The following DNAH7 variants were observed in gnomAD, a reference collection of about 807,000 sequenced individuals.
DNAH7 encodes the protein dynein axonemal heavy chain 7, also known as axonemal beta dynein heavy chain 7.
DNAH7 carries 397 observed loss-of-function variants against 444.6 expected under a neutral mutation model. The observed-to-expected ratio is 0.89, with a 90% CI of 0.82 to 0.97. The LOEUF is 0.97. Among genes scored for constraint, DNAH7 ranks in the 50% least tolerant of loss-of-function variants. The pLI, the probability that DNAH7 is intolerant of heterozygous loss-of-function variation, is 0.00. For missense variants in DNAH7, 4,902 were observed against 4,800.8 expected (o/e 1.02, Z -0.62); for synonymous variants, 1,636 against 1,624.4 (o/e 1.01, Z -0.17).
At chr2:195,761,142 T>G (rs556538092) in intron 61 of DNAH7, among the ~76,000 whole-genome samples, 115 of 146,952 alleles carry the variant, frequency 7.8e-4, no homozygotes, top group African/African-American at 2.7e-3. Flanking sequence ...ACAAAGAGAT[T>G]GAGATTTTTT....
chr2:196,047,622 T>C, intron 4 of DNAH7, 123 bp from the exon 5 acceptor site: 1 of 799,034 alleles, frequency 1.3e-6, no homozygotes. Context: ...CAAGTAATCC[T>C]AAGTATAATT....
intron 5 of DNAH7, among the ~76,000 whole-genome samples, chr2:196,030,877 G>A (rs1024352699): frequency 6.6e-6 from 1 of 152,242 alleles, no homozygotes; most frequent in African/African-American, 2.4e-5. Context: ...GGTGTTGAGT[G>A]TCTGCGGCTT....
At chr2:195,744,220 C>G (rs1476795165) in intron 63 of DNAH7, among the ~76,000 whole-genome samples, 1 of 152,264 alleles carries the variant, frequency 6.6e-6, no homozygotes, top group Non-Finnish European at 1.5e-5. Flanking sequence ...TATCCCACAC[C>G]TGGCTCGGAG....
chr2:196,040,341 T>C (rs1318018593), intron 5 of DNAH7, among the ~76,000 whole-genome samples: 1 of 151,738 alleles, frequency 6.6e-6, no homozygotes, highest in Admixed American at 6.6e-5. Flanking sequence ...CAAAACCAAA[T>C]CCAATAATAC....
rs770111654 is a variant in DNAH7, at chr2:195,857,737, C to T, written c.8068-14G>A. 1.7e-5 allele frequency: 27 copies of T among 1,548,058 alleles called. No homozygotes were observed. Among genetic ancestry groups the T allele is most frequent in the African/African-American group, 6.9e-5 (5 of 72,024 alleles). ...CACTGTAATATCCTTGAAATAACAA[C>T]GTTAATTATTTTAAAAGACATGTTT... is the stretch of plus-strand genomic sequence containing the variant. On this transcript the variant is annotated splice_polypyrimidine_tract_variant and intron_variant, in intron 43 of 64. Transcript: ENST00000312428.
At chr2:195,890,075 A>G (rs944990234) in intron 31 of DNAH7, among the ~76,000 whole-genome samples, 3 of 152,196 alleles carry the variant, frequency 2.0e-5, no homozygotes, top group Admixed American at 2.0e-4. Flanking sequence ...CCTTCAGCAA[A>G]TATGATTTCA....
At chr2:196,025,392 T>C (rs1251600214) in intron 7 of DNAH7, among the ~76,000 whole-genome samples, 3 of 152,148 alleles carry the variant, frequency 2.0e-5, no homozygotes, top group Admixed American at 6.6e-5. Context: ...TTCCCTACAA[T>C]CTTTCAGAGA....
intron 15 of DNAH7, among the ~76,000 whole-genome samples, chr2:195,974,724 TA>T (rs139275793): frequency 6.8e-4 from 101 of 149,000 alleles, no homozygotes; most frequent in African/African-American, 2.3e-3. Flanking sequence ...AAAAATATTC[TA>T]AAAATATATA....
intron 17 of DNAH7, among the ~76,000 whole-genome samples, chr2:195,961,690 T>C (rs1236084891): frequency 1.3e-5 from 2 of 152,180 alleles, no homozygotes; most frequent in African/African-American, 2.4e-5. Flanking sequence ...TTTACATATA[T>C]AAAGAAAGAG....
intron 48 of DNAH7, among the ~76,000 whole-genome samples, chr2:195,828,951 C>T (rs897178801): frequency 6.6e-6 from 1 of 152,042 alleles, no homozygotes; most frequent in African/African-American, 2.4e-5. Context: ...ACTCTCTTTT[C>T]TTCTAGGTTA....
At chr2:195,886,085 G>T in intron 34 of DNAH7, 56 bp downstream of exon 34, 1 of 1,527,666 alleles carries the variant, frequency 6.5e-7, no homozygotes, top group Non-Finnish European at 8.8e-7. Flanking sequence ...AAGCTTTGGG[G>T]AAAGCAGTAG....
At chr2:196,056,599 G>C (rs1450460131) in intron 2 of DNAH7, among the ~76,000 whole-genome samples, 5 of 152,010 alleles carry the variant, frequency 3.3e-5, no homozygotes, top group African/African-American at 1.2e-4. Flanking sequence ...AAAGATGACA[G>C]ATAAATGCTA....
At chr2:195,778,641 T>TAA (rs1272824177) in intron 58 of DNAH7, among the ~76,000 whole-genome samples, 2 of 32,548 alleles carry the variant, frequency 6.1e-5, no homozygotes, top group Non-Finnish European at 1.1e-4. Context: ...AATAAATAAA[T>TAA]AAATATATAT....
Position 195,738,058 on chromosome 2 carries a change from T to C in DNAH7, c.11938A>G (p.Thr3980Ala), listed in dbSNP as rs912822965. ...GATAATACTCCTCTCCGCTCACTTG[T>C]CTTATACAATGGAGCAACATAACTT... ...RPSYVAPLYKTSERRGVLSTT... is the reference protein window; with the variant it reads ...RPSYVAPLYKASERRGVLSTT... Residue 3980 changes from threonine to alanine, a missense_variant, in exon 65 of 65, where the codon ACA becomes GCA. Physicochemically the swap from Thr to Ala is moderately conservative, Grantham distance 58. Transcript: ENST00000312428. 2 of 1,614,036 alleles carry C rather than the reference T, an allele frequency of 1.2e-6. No individual in the cohort carries two copies. The highest frequency in any genetic ancestry group is 1.7e-6 in the Non-Finnish European group (2 of 1,179,898).
intron 19 of DNAH7, among the ~76,000 whole-genome samples, chr2:195,955,632 T>C (rs1171196969): frequency 1.3e-5 from 2 of 152,198 alleles, no homozygotes; most frequent in East Asian, 1.9e-4. Context: ...ATTTGCCTCC[T>C]TTATTTACAA....
At chr2:195,758,678 A>T (rs969950761) in intron 61 of DNAH7, among the ~76,000 whole-genome samples, 2 of 152,042 alleles carry the variant, frequency 1.3e-5, no homozygotes, top group Non-Finnish European at 2.9e-5. Context: ...GCTGATGCCA[A>T]CCCTCCTCCA....
chr2:195,870,603 G>C (rs1280638430), intron 40 of DNAH7, among the ~76,000 whole-genome samples: 3 of 152,216 alleles, frequency 2.0e-5, no homozygotes, highest in Non-Finnish European at 4.4e-5. Context: ...CAAGGTGATA[G>C]TATTGCAGTG....
chr2:196,048,520 G>C, intron 3 of DNAH7, 116 bp from the exon 4 acceptor site: 1 of 793,096 alleles, frequency 1.3e-6, no homozygotes. Context: ...AGAACATCTG[G>C]ATAGAAAATA....
At chr2:195,986,375 T>G (rs1273306338) in intron 14 of DNAH7, among the ~76,000 whole-genome samples, 1 of 152,196 alleles carries the variant, frequency 6.6e-6, no homozygotes, top group South Asian at 2.1e-4. Flanking sequence ...CTATACAGCT[T>G]GAAAGAAATA....
Sources: allele counts gnomAD v4.1 joint callset (sites outside exome capture counted in the v4.1 genomes callset), GRCh38; gene constraint gnomAD v4.1.1; transcripts MANE v1.5; gene names NCBI Gene and HGNC (gene_info 2026-07-23, HGNC 2026-07-21).